Variants in NAV3 observed in about 807,000 individuals in gnomAD.
NAV3 encodes the protein neuron navigator 3.
A neutral mutation model predicts 244.7 loss-of-function variants in NAV3; 87 were observed. The observed-to-expected ratio is 0.36, with a 90% CI of 0.30 to 0.42. The LOEUF is 0.42. NAV3 is among the 20% of genes least tolerant of loss of function. The probability of loss-of-function intolerance (pLI) is 1.00; values close to 1 mark genes in which losing one functional copy is unlikely to be tolerated. For synonymous variants in NAV3, 1,126 were observed against 1,042.2 expected (o/e 1.08, Z -1.55); for missense variants, 2,663 against 2,893.3 (o/e 0.92, Z 1.83).
intron 5 of NAV3, among the ~76,000 whole-genome samples, chr12:77,982,045 T>C (rs1395452954): frequency 6.6e-6 from 1 of 152,222 alleles, no homozygotes; most frequent in Non-Finnish European, 1.5e-5. Flanking sequence ...TAAAAACTGA[T>C]GTAATGTCAA....
intron 9 of NAV3, among the ~76,000 whole-genome samples, chr12:78,049,431 A>T (rs1299966630): frequency 6.6e-6 from 1 of 152,242 alleles, no homozygotes; most frequent in Non-Finnish European, 1.5e-5. Flanking sequence ...TTCAAGGCAC[A>T]GTCCCTCATG....
chr12:77,706,535 T>A (rs1361629129), intron 2 of NAV3, among the ~76,000 whole-genome samples: 4 of 151,106 alleles, frequency 2.6e-5, no homozygotes, highest in Non-Finnish European at 5.9e-5. Context: ...TTATCAATAA[T>A]CCCACGGTGA....
rs888579353 is a variant in NAV3 at position 77,658,480 on chromosome 12, C to A, written c.72+86214C>A. Among the ~76,000 whole-genome samples, 181 of 148,744 alleles carry A rather than the reference C, an allele frequency of 1.2e-3. 1 individual carries two copies. The highest frequency in any genetic ancestry group is 3.9e-3 in the African/African-American group (157 of 40,312). On this transcript the variant is annotated intron_variant, in intron 2 of 8. Transcript: ENST00000550042. ...AAGAGGATAGAAACAAATGGAAGAACATTCCATGCTCATGGGTAGGAAGAA... is the reference window on the plus strand; with the variant it reads ...AAGAGGATAGAAACAAATGGAAGAAAATTCCATGCTCATGGGTAGGAAGAA...
chr12:77,826,741 G>A (rs914568688), upstream of NAV3, among the ~76,000 whole-genome samples: 7 of 152,152 alleles, frequency 4.6e-5, no homozygotes, highest in Non-Finnish European at 1.0e-4. Context: ...CAAAACTAGC[G>A]TTAGAAGTCA....
intron 1 of NAV3, among the ~76,000 whole-genome samples, chr12:77,837,233 TTTAAACTTTAAAC>T: frequency 6.7e-6 from 1 of 150,360 alleles, no homozygotes; most frequent in African/African-American, 2.4e-5. Context: ...ACTTTTAAAG[TTTAAACTTTAAAC>T]TTTAAAAGTT....
At chr12:78,202,522 A>G (rs1285781733) in intron 38 of NAV3, among the ~76,000 whole-genome samples, 1 of 151,906 alleles carries the variant, frequency 6.6e-6, no homozygotes, top group African/African-American at 2.4e-5. Flanking sequence ...TTATTTGGAG[A>G]ATTATAATTC....
At chr12:77,877,462 T>C (rs1456641178) in intron 1 of NAV3, among the ~76,000 whole-genome samples, 2 of 152,194 alleles carry the variant, frequency 1.3e-5, no homozygotes, top group African/African-American at 4.8e-5. Flanking sequence ...ATTCATTTTA[T>C]ATTGCATTTA....
At position 78,181,146 on chromosome 12, in the gene NAV3, C is replaced by T. The variant is rs1288017370; in HGVS notation, c.5692+101C>T. The stretch of plus-strand genomic sequence containing the variant: ...ACTTTACGTACTCTTAAAAATGTTA[C>T]ACTCTAATTCTCAGAAATAGTCCTA... On this transcript the variant is annotated intron_variant, in intron 30 of 39. Transcript: ENST00000397909. 7 of 1,045,332 alleles carry T rather than the reference C, an allele frequency of 6.7e-6. No homozygotes were observed. The East Asian group carries it at 1.5e-4, about 22-fold the overall frequency. 64.8% of individuals were successfully genotyped at this position (1,045,332 alleles called of 1,614,324 possible). A position where few individuals can be genotyped will look rare whatever the true frequency, so the allele number is the denominator to read the frequency against.
At chr12:78,144,403 T>A (rs1312889490) in intron 20 of NAV3, among the ~76,000 whole-genome samples, 1 of 151,940 alleles carries the variant, frequency 6.6e-6, no homozygotes, top group Admixed American at 6.6e-5. Context: ...AAAAAAAAAA[T>A]GGCAAATAAT....
rs920827319 is a variant in NAV3, at chr12:77,633,761, A to G, written c.72+61495A>G. 3.3e-5 allele frequency among the ~76,000 whole-genome samples: 5 copies of G among 152,032 alleles called. No homozygotes were observed. In the East Asian group the frequency reaches 9.6e-4, roughly 29 times the overall value. On this transcript the variant is annotated intron_variant, in intron 2 of 8. Transcript: ENST00000550042. ...CAAAGTCGAGACATTTCAACCATAC[A>G]CTACAATATTACTGATCGAGTTTGG...
intron 2 of NAV3, among the ~76,000 whole-genome samples, chr12:77,803,848 T>C (rs530393199): frequency 6.6e-6 from 1 of 152,360 alleles, no homozygotes; most frequent in South Asian, 2.1e-4. Context: ...TATCTCATTG[T>C]GGTTTTGATT....
intron 1 of NAV3, among the ~76,000 whole-genome samples, chr12:77,855,781 T>C (rs1483589618): frequency 6.6e-6 from 1 of 152,190 alleles, no homozygotes; most frequent in Non-Finnish European, 1.5e-5. Context: ...TAATGCCAGA[T>C]GTATGAGTGA....
intron 30 of NAV3, 33 bp from the exon 31 acceptor site, chr12:78,185,568 T>C (rs769308681): frequency 3.9e-6 from 6 of 1,555,924 alleles, no homozygotes; most frequent in Non-Finnish European, 4.4e-6. Context: ...AATGTTATAC[T>C]GTTGTGTATG....
rs61754963 is a variant in NAV3 at position 78,175,351 on chromosome 12, T to C, written c.5027T>C (p.Ile1676Thr). The stretch of plus-strand genomic sequence containing the variant: ...CATTCCTCTGAAAGTGTTTCTAGTA[T>C]CAACAGTGCCACAAGCCATTCCAGT... ...RQHSSESVSS[I>T]NSATSHSSIG... Residue 1676 changes from isoleucine to threonine, a missense_variant, in exon 25 of 40, where the codon ATC becomes ACC. By Grantham distance (89) the Ile-to-Thr change is moderately conservative. Around this residue, in one of 6 missense-constraint regions of NAV3, gnomAD observed 193 missense variants for 200.7 expected, o/e 0.96. Coordinates refer to ENST00000397909, the MANE Select transcript of NAV3 (RefSeq NM_001024383.2). The C allele has an allele frequency of 2.0e-4, 325 of 1,611,674 alleles. 5 individuals are homozygous for C. The Admixed American group carries it at 5.1e-3, about 26-fold the overall frequency.
intron 22 of NAV3, among the ~76,000 whole-genome samples, chr12:78,152,356 T>C (rs1957110384): frequency 6.6e-6 from 1 of 151,744 alleles, no homozygotes; most frequent in African/African-American, 2.4e-5. Flanking sequence ...TTAATGTCAG[T>C]TATATTTTAA....
intron 10 of NAV3, among the ~76,000 whole-genome samples, chr12:78,050,347 C>A (rs12303595): frequency 0.033 from 5,064 of 152,230 alleles, 292 homozygotes; most frequent in African/African-American, 0.11. Context: ...AGTACTGCAA[C>A]TACCACCATC....
rs1490360581 is a variant in NAV3 at position 78,128,884 on chromosome 12, A to G, written c.4441+18A>G. 1 of 1,609,760 alleles carries G rather than the reference A, an allele frequency of 6.2e-7. No individual in the cohort carries two copies. Among genetic ancestry groups the G allele is most frequent in the African/African-American group, 1.3e-5 (1 of 74,658 alleles). On this transcript the variant is annotated intron_variant, in intron 18 of 39. Transcript: ENST00000397909. ...TAACTTGGGTAAAATATTCTAAAATATTGATTTTGTTTTGTTTCTTTCACC... is the reference window on the plus strand; with the variant it reads ...TAACTTGGGTAAAATATTCTAAAATGTTGATTTTGTTTTGTTTCTTTCACC...
At chr12:77,714,505 C>A (rs778306032) in intron 2 of NAV3, among the ~76,000 whole-genome samples, 2 of 152,052 alleles carry the variant, frequency 1.3e-5, no homozygotes, top group Non-Finnish European at 2.9e-5. Context: ...CAGCCTTGCT[C>A]GAGGTTTGGT....
intron 2 of NAV3, among the ~76,000 whole-genome samples, chr12:77,771,535 C>T (rs1419207214): frequency 1.3e-5 from 2 of 152,092 alleles, no homozygotes; most frequent in South Asian, 4.1e-4. Context: ...CAATGATAGA[C>T]TAGATTAAGA....
Sources: allele counts gnomAD v4.1 joint callset (sites outside exome capture counted in the v4.1 genomes callset), GRCh38; gene constraint gnomAD v4.1.1; regional missense constraint gnomAD v4.1.1; transcripts MANE v1.5; gene names NCBI Gene and HGNC (gene_info 2026-07-23, HGNC 2026-07-21).